HIVEP1: variants seen among roughly 807,000 people sequenced by gnomAD.
HIVEP1 encodes the protein HIVEP zinc finger 1.
Under a neutral mutation model 180.0 loss-of-function variants are expected in HIVEP1, and 36 were observed. That is an observed-to-expected ratio of 0.20 (90% CI 0.15 to 0.26). The LOEUF (loss-of-function observed/expected upper bound fraction) is 0.26, where lower values mean the gene tolerates loss of function less well. Ranked by LOEUF, HIVEP1 falls within the 10% of genes least tolerant of loss-of-function variation. The pLI is 1.00. For missense variants in HIVEP1, 3,143 were observed against 3,268.7 expected, an observed-to-expected ratio of 0.96 and a Z score of 0.94; for synonymous variants, 1,239 against 1,239.0, an observed-to-expected ratio of 1.00 and a Z score of 0.00.
intron 3 of HIVEP1, among the ~76,000 whole-genome samples, chr6:12,093,198 C>A (rs937192758): frequency 6.6e-6 from 1 of 151,986 alleles, no homozygotes; most frequent in African/African-American, 2.4e-5. Context: ...ATTTGTATTC[C>A]CCCTTACTGA....
chr6:12,016,952 G>A (rs191050495), intron 2 of HIVEP1, among the ~76,000 whole-genome samples: 279 of 152,268 alleles, frequency 1.8e-3, no homozygotes, highest in African/African-American at 6.5e-3. Context: ...GTTCTAGTTT[G>A]CACAAGTGCA....
At chr6:12,171,816 CA>C in the HIVEP1 span, among the ~76,000 whole-genome samples, 1 of 152,110 alleles carries the variant, frequency 6.6e-6, no homozygotes, top group African/African-American at 2.4e-5. Context: ...TATGGAAGAA[CA>C]TAGTGATTTC....
intron 5 of HIVEP1, 39 bp from the exon 6 acceptor site, chr6:12,130,728 G>A (rs1376231189): frequency 1.7e-6 from 2 of 1,168,336 alleles, no homozygotes; most frequent in Admixed American, 4.2e-5. Flanking sequence ...CAGAGGCATA[G>A]TGTCCAATCT....
the HIVEP1 span, among the ~76,000 whole-genome samples, chr6:12,211,561 T>C: frequency 5.3e-4 from 80 of 151,768 alleles, 2 homozygotes; most frequent in Middle Eastern, 3.4e-3. Flanking sequence ...TAAACACATA[T>C]GTATATTCAT....
chr6:12,174,784 C>T, the HIVEP1 span, among the ~76,000 whole-genome samples: 2 of 152,160 alleles, frequency 1.3e-5, no homozygotes, highest in African/African-American at 4.8e-5. Flanking sequence ...CTTAGAGACA[C>T]TTACAACTTT....
intron 7 of HIVEP1, among the ~76,000 whole-genome samples, chr6:12,151,008 G>T (rs910701472): frequency 6.6e-6 from 1 of 152,146 alleles, no homozygotes. Context: ...TTGCGACTCC[G>T]ACTCTTCCAG....
chr6:12,144,679 A>C (rs1371464042), intron 7 of HIVEP1, among the ~76,000 whole-genome samples: 1 of 152,224 alleles, frequency 6.6e-6, no homozygotes, highest in Non-Finnish European at 1.5e-5. Context: ...GTTTACAAGA[A>C]AAAAAACAAC....
At chr6:12,181,449 G>C in the HIVEP1 span, among the ~76,000 whole-genome samples, 68 of 152,184 alleles carry the variant, frequency 4.5e-4, no homozygotes, top group Admixed American at 1.7e-3. Context: ...GAGCAGCAGA[G>C]TGAGACCCTG....
chr6:12,017,588 A>T (rs918908395), intron 2 of HIVEP1, among the ~76,000 whole-genome samples: 16 of 152,146 alleles, frequency 1.1e-4, no homozygotes, highest in Admixed American at 1.0e-3. Flanking sequence ...CCCCACCCAC[A>T]TCCTGCTGAT....
upstream of HIVEP1, chr6:12,008,288 C>CT (rs1265852487): frequency 2.0e-5 from 3 of 152,160 alleles, no homozygotes; most frequent in African/African-American, 7.2e-5. Context: ...GGCTGCAGGA[C>CT]TGTCTCAGAA....
At chr6:12,168,384 G>GTGTATATAT (rs1554161636), downstream of HIVEP1, among the ~76,000 whole-genome samples, 235 of 130,142 alleles carry the variant, frequency 1.8e-3, 4 homozygotes, top group African/African-American at 6.5e-3. Flanking sequence ...ATGTATATAT[G>GTGTATATAT]TATATATATA....
In HIVEP1 at chr6:12,089,051, C is replaced by T. The variant is rs902278468; in HGVS notation, c.41-133C>T. On this transcript the variant is annotated intron_variant, in intron 2 of 8. Transcript: ENST00000379388. ...AATATATCCTTCAACAGTTTATACA[C>T]ATCTGTATCATAATTTATTCAACAC... is the stretch of plus-strand genomic sequence containing the variant. 1.6e-5 allele frequency: 9 copies of T among 558,038 alleles called. No individual in the cohort carries two copies. The African/African-American group carries it at 1.7e-4, about 11-fold the overall frequency. The allele number at this position is 558,038 out of a possible 1,614,324, so 34.6% of individuals were successfully genotyped here.
In HIVEP1 at chr6:12,125,238, A is replaced by G; in HGVS notation, c.5443A>G (p.Lys1815Glu). The G allele has an allele frequency of 6.2e-7, 1 of 1,614,196 alleles. No homozygotes were observed. Among genetic ancestry groups the G allele is most frequent in the South Asian group, 1.1e-5 (1 of 91,076 alleles). The change falls in exon 4 of 9, where the codon AAG becomes GAG. Residue 1815 changes from lysine to glutamate, a missense_variant. Lys to Glu is a moderately conservative substitution (Grantham distance 56). Coordinates refer to ENST00000379388, the MANE Select transcript of HIVEP1 (RefSeq NM_002114.4). ...GCCCCTGGACGGTGTGATGTTGGAA[A>G]AGGATGTTTTTTCTCAACCTGAAAT... ...TEPLDGVMLE[K>E]DVFSQPEISN...
At chr6:12,162,654 T>C (rs186609887) in intron 8 of HIVEP1, among the ~76,000 whole-genome samples, 2 of 152,334 alleles carry the variant, frequency 1.3e-5, no homozygotes, top group Admixed American at 1.3e-4. Flanking sequence ...AATATTGCAA[T>C]AGGATTTATG....
rs376740466 is a variant in HIVEP1, at chr6:12,124,613, T to C, written c.4818T>C (p.Ile1606=). ...VTSATLPTKL[I]DSMSNSHPLL... ...CAGCAACATTACCAACCAAATTAAT[T>C]GACAGCATGTCTAATTCGCATCCTC... is the stretch of plus-strand genomic sequence containing the variant. Residue 1606 remains isoleucine (I), a synonymous_variant, in exon 4 of 9, where the codon ATT becomes ATC. Coordinates refer to ENST00000379388, the MANE Select transcript of HIVEP1 (RefSeq NM_002114.4). 38 of 1,614,064 alleles carry C rather than the reference T, an allele frequency of 2.4e-5. No homozygotes were observed. The highest frequency in any genetic ancestry group is 3.1e-5 in the Non-Finnish European group (37 of 1,180,036).
intron 2 of HIVEP1, among the ~76,000 whole-genome samples, chr6:12,024,959 C>T (rs963515770): frequency 2.0e-5 from 3 of 152,186 alleles, no homozygotes; most frequent in African/African-American, 7.2e-5. Context: ...TTATATAGGT[C>T]TTACGATGAT....
intron 2 of HIVEP1, among the ~76,000 whole-genome samples, chr6:12,040,002 TTC>T (rs1387953879): frequency 2.9e-4 from 44 of 152,306 alleles, no homozygotes; most frequent in Admixed American, 9.1e-4. Flanking sequence ...GGGGCGAGGA[TTC>T]TGATGCTGGG....
the HIVEP1 span, among the ~76,000 whole-genome samples, chr6:12,175,902 C>T: frequency 6.6e-6 from 1 of 152,136 alleles, no homozygotes; most frequent in African/African-American, 2.4e-5. Flanking sequence ...TTGGTGCAAC[C>T]TAACAGGGAT....
At chr6:12,080,574 T>C (rs1227626778) in intron 2 of HIVEP1, among the ~76,000 whole-genome samples, 1 of 152,200 alleles carries the variant, frequency 6.6e-6, no homozygotes, top group East Asian at 1.9e-4. Flanking sequence ...CATGGTCTGT[T>C]TTGATATCAA....
Sources: allele counts gnomAD v4.1 joint callset (sites outside exome capture counted in the v4.1 genomes callset), GRCh38; gene constraint gnomAD v4.1.1; transcripts MANE v1.5; gene names NCBI Gene and HGNC (gene_info 2026-07-23, HGNC 2026-07-21).